Variants in EPHA10 observed in about 807,000 individuals in gnomAD.
The protein encoded by EPHA10 is EPH receptor A10, also known as ephrin type-A receptor 10.
In EPHA10, 120 loss-of-function variants were observed where a neutral mutation model predicts 109.7. That is an observed-to-expected ratio of 1.09 (90% CI 0.94 to 1.27). EPHA10 has a LOEUF of 1.27. EPHA10 is among the 50% of genes most tolerant of loss of function. The probability of loss-of-function intolerance (pLI) is 0.00; values close to 1 mark genes in which losing one functional copy is unlikely to be tolerated. For missense variants in EPHA10, 1,396 were observed against 1,411.1 expected, an observed-to-expected ratio of 0.99 and a Z score of 0.17; for synonymous variants, 640 against 618.9, an observed-to-expected ratio of 1.03 and a Z score of -0.51.
intron 8 of EPHA10, among the ~76,000 whole-genome samples, chr1:37,725,946 G>A (rs553528490): frequency 2.6e-5 from 4 of 152,194 alleles, no homozygotes; most frequent in Non-Finnish European, 5.9e-5. Flanking sequence ...GCATGCTGGA[G>A]GAGAACACCT....
Position 37,719,937 on chromosome 1 carries a change from C to G in EPHA10, c.2534G>C (p.Arg845Pro), listed in dbSNP as rs777738447. ...IMWEVMAFGE[R>P]PYWDMSGQDV... is the part of the protein sequence containing the mutation. Reference sequence around the variant, plus strand: ...TTGGCCAGACATGTCCCAGTAAGGCCGCTCCCCAAAGGCCATCACCTCCCA... The same window carrying G: ...TTGGCCAGACATGTCCCAGTAAGGCGGCTCCCCAAAGGCCATCACCTCCCA... The change falls in exon 14 of 17, where the codon CGG becomes CCG. Residue 845 changes from arginine (R) to proline (P), a missense_variant. Transcript: ENST00000373048. The G allele has an allele frequency of 3.1e-6, 5 of 1,614,054 alleles. No individual in the cohort carries two copies. Among genetic ancestry groups the G allele is most frequent in the Non-Finnish European group, 4.2e-6 (5 of 1,180,034 alleles).
chr1:37,739,749 G>A (rs957963732), intron 5 of EPHA10, among the ~76,000 whole-genome samples: 1 of 151,648 alleles, frequency 6.6e-6, no homozygotes, highest in African/African-American at 2.4e-5. Flanking sequence ...GGGTGGTGGG[G>A]GTAAAGGGGA....
chr1:37,721,772 C>T lies in EPHA10; in HGVS notation c.2034G>A (p.Met678Ile). 3 of 1,612,450 alleles carry T rather than the reference C, an allele frequency of 1.9e-6. No homozygotes were observed. Among genetic ancestry groups the T allele is most frequent in the East Asian group, 4.5e-5 (2 of 44,862 alleles). Residue 678 changes from methionine to isoleucine, a missense_variant, in exon 11 of 17, where the codon ATG becomes ATA. Met to Ile is a conservative substitution (Grantham distance 10). Transcript: ENST00000373048. ...GTGAGTCGGAGGCGCTGTCCCTCAG[C>T]ATATGCACGGCTACGAGCAGCTCCT... is the stretch of plus-strand genomic sequence containing the variant. ...GRQELLVAVH[M>I]LRDSASDSQR... is the part of the protein sequence containing the mutation.
chr1:37,736,214 C>CGGGCAGGTGGATCACTTGACGTCAGGTCG (rs1646067209), intron 5 of EPHA10, among the ~76,000 whole-genome samples: 1 of 151,998 alleles, frequency 6.6e-6, no homozygotes, highest in Admixed American at 6.6e-5. Flanking sequence ...CAAGACCAGC[C>CGGGCAGGTGGATCACTTGACGTCAGGTCG]GGGCAGGTGG....
chr1:37,743,007 A>T (rs1482297238), intron 5 of EPHA10, among the ~76,000 whole-genome samples: 1 of 151,436 alleles, frequency 6.6e-6, no homozygotes, highest in African/African-American at 2.4e-5. Context: ...AATAATAATA[A>T]TATAATAATA....
At chr1:37,747,599 TA>T in intron 5 of EPHA10, among the ~76,000 whole-genome samples, 1 of 136,732 alleles carries the variant, frequency 7.3e-6, no homozygotes, top group African/African-American at 2.7e-5. Context: ...GTGGTATTAA[TA>T]AAGATAAAAT....
intron 5 of EPHA10, among the ~76,000 whole-genome samples, chr1:37,735,755 G>T (rs1345067807): frequency 6.6e-6 from 1 of 152,086 alleles, no homozygotes; most frequent in East Asian, 1.9e-4. Context: ...ACATAAGAGA[G>T]CATTTAGAGG....
At chr1:37,719,068 G>A (rs941034979) in intron 15 of EPHA10, 16 of 602,376 alleles carry the variant, frequency 2.7e-5, no homozygotes, top group East Asian at 2.0e-4. Context: ...GGTAGGACAC[G>A]CCTAGGACTG....
chr1:37,764,824 G>T lies in EPHA10; in HGVS notation c.106+137C>A. ...GATCACATTTTTCTCTGTCTCTCCA[G>T]TTCTTTGCTGCCTGCTTGCTTCAAG... On this transcript the variant is annotated intron_variant, in intron 1 of 16. Transcript: ENST00000373048. The surrounding 1 kb of genome is among the most constrained non-coding windows in gnomAD (Gnocchi z 5.8). 4 of 693,464 alleles carry T rather than the reference G, an allele frequency of 5.8e-6. No individual in the cohort carries two copies. Among genetic ancestry groups the T allele is most frequent in the Non-Finnish European group, 9.3e-6 (4 of 431,224 alleles). 43.0% of individuals were successfully genotyped at this position (693,464 alleles called of 1,614,324 possible). A position where few individuals can be genotyped will look rare whatever the true frequency, so the allele number is the denominator to read the frequency against.
chr1:37,730,067 C>A (rs929844986), intron 7 of EPHA10, among the ~76,000 whole-genome samples: 7 of 152,074 alleles, frequency 4.6e-5, no homozygotes, highest in African/African-American at 1.7e-4. Context: ...CCCCACTACG[C>A]CCACTCCAGC....
chr1:37,721,018 G>C (rs1448039512), intron 11 of EPHA10, among the ~76,000 whole-genome samples, 174 bp from the exon 12 acceptor site: 1 of 152,114 alleles, frequency 6.6e-6, no homozygotes, highest in East Asian at 1.9e-4. Context: ...GAACAAAAGA[G>C]GAGACATCTG....
At chr1:37,726,447 C>T (rs550986387) in intron 8 of EPHA10, among the ~76,000 whole-genome samples, 8 of 152,322 alleles carry the variant, frequency 5.3e-5, no homozygotes, top group African/African-American at 1.9e-4. Flanking sequence ...CTCCCCAGCC[C>T]GCCCAGCCTG....
At position 37,722,989 on chromosome 1, in the gene EPHA10, G is replaced by A. The variant is rs1645824644; in HGVS notation, c.1960+52C>T. 5.0e-6 allele frequency: 8 copies of A among 1,613,194 alleles called. No homozygotes were observed. In the East Asian group the frequency reaches 1.8e-4, roughly 36 times the overall value. On this transcript the variant is annotated intron_variant, in intron 10 of 16. Coordinates refer to ENST00000373048, the MANE Select transcript of EPHA10 (RefSeq NM_001099439.2). ...GGACAGAGTAGGGGCGGGGCCTATA[G>A]AGTGGGTGAGGCTTCCAGATGGGGA...
Position 37,752,934 on chromosome 1 carries a change from G to T in EPHA10, c.1299C>A (p.Gly433=). The change falls in exon 5 of 17, where the codon GGC becomes GGA. Residue 433 remains glycine (G), a synonymous_variant. Coordinates refer to ENST00000373048, the MANE Select transcript of EPHA10 (RefSeq NM_001099439.2). ...AGGTGGTTCCCGCGGCGGCCGCCGGGCCCGAGACGCCGTTGAGCGCGGCCA... is the reference window on the plus strand; with the variant it reads ...AGGTGGTTCCCGCGGCGGCCGCCGGTCCCGAGACGCCGTTGAGCGCGGCCA... ...VRVAALNGVS[G]PAAAAGTTYA... The T allele has an allele frequency of 7.6e-7, 1 of 1,307,694 alleles. No homozygotes were observed. Among genetic ancestry groups the T allele is most frequent in the Non-Finnish European group, 9.7e-7 (1 of 1,030,996 alleles). The allele number at this position is 1,307,694 out of a possible 1,614,324, so 81.0% of individuals were successfully genotyped here.
chr1:37,753,533 G>A (rs1442932618), intron 4 of EPHA10, among the ~76,000 whole-genome samples: 2 of 151,388 alleles, frequency 1.3e-5, no homozygotes, highest in African/African-American at 4.9e-5. Flanking sequence ...ATGGGGGATA[G>A]GAAGGTGTGA....
At chr1:37,731,663 G>C in intron 6 of EPHA10, 81 bp from the exon 7 acceptor site, 1 of 1,432,912 alleles carries the variant, frequency 7.0e-7, no homozygotes, top group Admixed American at 2.3e-5. Context: ...GGAACAGGGA[G>C]GCAGGAGAAG....
chr1:37,740,328 CAG>C (rs1414710989), intron 5 of EPHA10, among the ~76,000 whole-genome samples: 3 of 151,934 alleles, frequency 2.0e-5, no homozygotes, highest in Non-Finnish European at 1.5e-5. Context: ...TTTTTTGAGA[CAG>C]AGTCTCACTC....
Position 37,717,369 on chromosome 1 carries a change from AG to A in EPHA10, c.*1002del, listed in dbSNP as rs2148299329. On this transcript the variant is annotated 3_prime_UTR_variant, in exon 17 of 17. Transcript: ENST00000373048. ...GTGGTGGTGCCATAGGGCAGGACCA[AG>A]GACTCTCTCCCCAGAGCCAGCCTTA... 1 of 232,530 alleles carries A rather than the reference AG, an allele frequency of 4.3e-6. No individual in the cohort carries two copies. Among genetic ancestry groups the A allele is most frequent in the South Asian group, 1.8e-4 (1 of 5,524 alleles). The allele number at this position is 232,530 out of a possible 1,614,324, so 14.4% of individuals were successfully genotyped here.
At position 37,719,964 on chromosome 1, in the gene EPHA10, A is replaced by G. The variant is rs746367810; in HGVS notation, c.2507T>C (p.Met836Thr). 3.7e-6 allele frequency: 6 copies of G among 1,613,986 alleles called. No individual in the cohort carries two copies. Among genetic ancestry groups the G allele is most frequent in the East Asian group, 2.2e-5 (1 of 44,886 alleles). The change falls in exon 14 of 17, where the codon ATG becomes ACG. Residue 836 changes from methionine (M) to threonine (T), a missense_variant. Met to Thr is a moderately conservative substitution (Grantham distance 81). Coordinates refer to ENST00000373048, the MANE Select transcript of EPHA10 (RefSeq NM_001099439.2). ...CTCCCCAAAGGCCATCACCTCCCAC[A>G]TGATGATGCCGAAGCTCCACACGTC... ...ASDVWSFGII[M>T]WEVMAFGERP...
Sources: gnomAD v4.1 joint callset for allele counts (sites outside exome capture counted in the v4.1 genomes callset) on GRCh38, gnomAD v4.1.1 for gene constraint, Gnocchi (gnomAD v3.1) non-coding constraint, MANE v1.5 for transcripts, NCBI Gene and HGNC (gene_info 2026-07-23, HGNC 2026-07-21) for gene names.